Variants in GCFC2 observed in about 807,000 individuals in gnomAD.
The protein encoded by GCFC2 is GC-rich sequence DNA-binding factor 2.
In GCFC2, 102 loss-of-function variants were observed where a neutral mutation model predicts 99.4. The ratio of observed to expected loss-of-function variants is 1.03; its 90% CI spans 0.87 to 1.21. GCFC2 has a LOEUF of 1.21. GCFC2 is among the 50% of genes most tolerant of loss of function. The pLI, the probability that GCFC2 is intolerant of heterozygous loss-of-function variation, is 0.00. For synonymous variants in GCFC2, 338 were observed against 316.8 expected (o/e 1.07, Z -0.71); for missense variants, 973 against 920.9 (o/e 1.06, Z -0.73).
At chr2:75,692,370 G>A (rs1680120848) in intron 6 of GCFC2, among the ~76,000 whole-genome samples, 4 of 112,446 alleles carry the variant, frequency 3.6e-5, no homozygotes, top group South Asian at 2.6e-4. Context: ...ACTAAATGGG[G>A]GCCAGGATGT....
At chr2:75,698,118 A>G (rs753570951) in intron 4 of GCFC2, 5 of 152,262 alleles carry the variant, frequency 3.3e-5, no homozygotes, top group Non-Finnish European at 7.3e-5. Context: ...TGAAAATCAA[A>G]TAAGTGTGAG....
At chr2:75,679,996 G>A (rs1003496920) in intron 12 of GCFC2, 197 bp downstream of exon 12, 1 of 475,248 alleles carries the variant, frequency 2.1e-6, no homozygotes, top group Non-Finnish European at 3.7e-6. Context: ...AAATAGCCAA[G>A]TCCAGTTTAA....
chr2:75,691,896 T>C, intron 7 of GCFC2, 81 bp downstream of exon 7: 1 of 750,010 alleles, frequency 1.3e-6, no homozygotes, highest in Non-Finnish European at 1.8e-6. Flanking sequence ...AAAACATGTT[T>C]ATAAAAATAA....
chr2:75,682,042 C>T (rs981317800), intron 11 of GCFC2, among the ~76,000 whole-genome samples: 19 of 152,032 alleles, frequency 1.2e-4, no homozygotes, highest in Middle Eastern at 3.4e-3. Context: ...ACGTCCTTGC[C>T]TGACAGTTCT....
rs147584673 is a variant in GCFC2, at chr2:75,665,504, C to T, written c.2228+425G>A. Among the ~76,000 whole-genome samples, 57 of 152,200 alleles carry T rather than the reference C, an allele frequency of 3.7e-4. 1 individual carries two copies. The highest frequency in any genetic ancestry group is 1.3e-3 in the African/African-American group (56 of 41,536). ...GGAGAGGGAGTTAACAGGAATACCACTGTATTTAAGCCCCCAAACAGCTGG... is the reference window on the plus strand; with the variant it reads ...GGAGAGGGAGTTAACAGGAATACCATTGTATTTAAGCCCCCAAACAGCTGG... On this transcript the variant is annotated intron_variant, in intron 16 of 16. Transcript: ENST00000321027.
chr2:75,666,727 A>AC (rs754657023), intron 15 of GCFC2, among the ~76,000 whole-genome samples: 139 of 151,342 alleles, frequency 9.2e-4, no homozygotes, highest in South Asian at 1.5e-3. Context: ...AAAAAAAAAA[A>AC]CTTCCTCATA....
At chr2:75,711,092 G>C, upstream of GCFC2, 1 of 1,296,274 alleles carries the variant, frequency 7.7e-7, no homozygotes, top group South Asian at 2.4e-5. Flanking sequence ...TGCCAGGTTA[G>C]GTTGCGTGGA....
chr2:75,677,013 TGC>T (rs1558735144), intron 12 of GCFC2, among the ~76,000 whole-genome samples: 2 of 152,218 alleles, frequency 1.3e-5, no homozygotes, highest in Non-Finnish European at 2.9e-5. Context: ...AGGTAGCCAA[TGC>T]CCTACTGGCC....
intron 11 of GCFC2, among the ~76,000 whole-genome samples, chr2:75,685,630 T>A (rs1406663013): frequency 2.0e-5 from 3 of 152,134 alleles, no homozygotes; most frequent in Non-Finnish European, 4.4e-5. Context: ...TTCAGGTCAC[T>A]TACCTTCTCT....
upstream of GCFC2, among the ~76,000 whole-genome samples, chr2:75,711,968 C>T (rs911973368): frequency 7.9e-5 from 12 of 152,248 alleles, no homozygotes; most frequent in South Asian, 2.1e-4. Flanking sequence ...GAGCGCACGG[C>T]GCCGGACTGG....
At chr2:75,705,656 T>C (rs1680828420) in intron 2 of GCFC2, among the ~76,000 whole-genome samples, 3 of 150,526 alleles carry the variant, frequency 2.0e-5, no homozygotes, top group African/African-American at 7.3e-5. Flanking sequence ...GAAGCACTTA[T>C]TACTATATTA....
At chr2:75,693,090 A>G (rs966094747) in intron 6 of GCFC2, among the ~76,000 whole-genome samples, 1 of 152,262 alleles carries the variant, frequency 6.6e-6, no homozygotes, top group African/African-American at 2.4e-5. Flanking sequence ...AGTAGAAGAT[A>G]GCCAACTTAA....
intron 8 of GCFC2, 47 bp downstream of exon 8, chr2:75,690,585 GAAAAGT>G: frequency 2.4e-6 from 2 of 821,890 alleles, no homozygotes; most frequent in South Asian, 2.9e-5. Flanking sequence ...TTTCAGTAGT[GAAAAGT>G]ACTTGCTCAA....
chr2:75,690,023 A>G lies in GCFC2; in HGVS notation c.1285T>C (p.Ser429Pro). The change falls in exon 9 of 17, where the codon TCT becomes CCT. Residue 429 changes from serine (S) to proline (P), a missense_variant. Transcript: ENST00000321027. ...SGNCNHQEGT[S>P]SDDELPSAEM... ...GCTGAAGGCAGTTCATCATCACTAGATGTTCCTTCCTGATGGTTACAATTC... is the reference window on the plus strand; with the variant it reads ...GCTGAAGGCAGTTCATCATCACTAGGTGTTCCTTCCTGATGGTTACAATTC... The G allele has an allele frequency of 6.2e-7, 1 of 1,610,536 alleles. No individual in the cohort carries two copies. Among genetic ancestry groups the G allele is most frequent in the African/African-American group, 1.3e-5 (1 of 74,954 alleles).
intron 16 of GCFC2, among the ~76,000 whole-genome samples, chr2:75,665,591 G>A (rs1678801523): frequency 6.6e-6 from 1 of 152,188 alleles, no homozygotes. Context: ...CCAAGCTGGA[G>A]ACCTGTACTT....
intron 12 of GCFC2, 63 bp from the exon 13 acceptor site, chr2:75,673,583 A>C (rs1679219866): frequency 1.3e-6 from 1 of 749,218 alleles, no homozygotes; most frequent in Non-Finnish European, 2.4e-6. Context: ...CCAAAAAAAA[A>C]GTAATTTTAA....
rs542640382 is a variant in GCFC2 at position 75,663,195 on chromosome 2, T to C, written c.*1471A>G. 10 of 152,314 alleles carry C rather than the reference T, an allele frequency of 6.6e-5. No individual in the cohort carries two copies. The highest frequency in any genetic ancestry group is 5.2e-4 in the Admixed American group (8 of 15,298). 9.4% of individuals were successfully genotyped at this position (152,314 alleles called of 1,614,324 possible). On this transcript the variant is annotated 3_prime_UTR_variant, in exon 17 of 17. Transcript: ENST00000321027. The stretch of plus-strand genomic sequence containing the variant: ...CAAATCCAACTCCTAAAATAAATTA[T>C]ATGTAGTTTTGAAGGTAGAGGTGAC...
At chr2:75,695,216 T>C (rs1241993698) in intron 5 of GCFC2, among the ~76,000 whole-genome samples, 2 of 152,174 alleles carry the variant, frequency 1.3e-5, no homozygotes, top group African/African-American at 4.8e-5. Flanking sequence ...TACATGCTTA[T>C]ATGTTTACAT....
chr2:75,669,983 C>T (rs1679017769), intron 15 of GCFC2, 155 bp downstream of exon 15: 1 of 489,398 alleles, frequency 2.0e-6, no homozygotes, highest in East Asian at 3.3e-5. Flanking sequence ...CCTCAGCCTC[C>T]CAAAGTGCTG....
Sources: allele counts gnomAD v4.1 joint callset (sites outside exome capture counted in the v4.1 genomes callset), GRCh38; gene constraint gnomAD v4.1.1; transcripts MANE v1.5; gene names NCBI Gene and HGNC (gene_info 2026-07-23, HGNC 2026-07-21).